Variants in ZHX2 observed in about 807,000 individuals in gnomAD.
ZHX2 encodes the protein zinc fingers and homeoboxes protein 2.
ZHX2 carries 6 observed loss-of-function variants against 21.9 expected under a neutral mutation model. That is an observed-to-expected ratio of 0.27 (90% confidence interval 0.15 to 0.54). ZHX2 has a LOEUF of 0.54. ZHX2 is among the 20% of genes least tolerant of loss of function. The pLI is 0.95. For synonymous variants in ZHX2, 434 were observed against 437.1 expected, an observed-to-expected ratio of 0.99 and a Z score of 0.09; for missense variants, 908 against 1,090.7, an observed-to-expected ratio of 0.83 and a Z score of 2.36.
intron 1 of ZHX2, among the ~76,000 whole-genome samples, chr8:122,785,747 A>G (rs943784132): frequency 6.6e-6 from 1 of 152,196 alleles, no homozygotes; most frequent in Admixed American, 6.5e-5. Flanking sequence ...CTGAGAAAGA[A>G]GGGCCCTGGG....
At chr8:122,863,878 G>T (rs1285375272) in intron 2 of ZHX2, among the ~76,000 whole-genome samples, 1 of 152,116 alleles carries the variant, frequency 6.6e-6, no homozygotes, top group Non-Finnish European at 1.5e-5. Context: ...GATATTCTTA[G>T]AACAGAGAGG....
intron 1 of ZHX2, among the ~76,000 whole-genome samples, chr8:122,856,208 T>C (rs1819018088): frequency 6.6e-6 from 1 of 152,250 alleles, no homozygotes; most frequent in African/African-American, 2.4e-5. Flanking sequence ...AAACTGAGTC[T>C]GTCAGTCTCT....
At chr8:122,790,981 T>C (rs752636099) in intron 1 of ZHX2, among the ~76,000 whole-genome samples, 15 of 152,198 alleles carry the variant, frequency 9.9e-5, no homozygotes, top group Non-Finnish European at 1.8e-4. Flanking sequence ...ATCCAAGAAT[T>C]CTGGAAGCCA....
chr8:122,937,641 G>A (rs929258034), intron 2 of ZHX2, among the ~76,000 whole-genome samples: 17 of 151,026 alleles, frequency 1.1e-4, no homozygotes, highest in African/African-American at 1.7e-4. Flanking sequence ...GTGCTGTGGC[G>A]CTGTCTCGGC....
chr8:122,791,442 C>T (rs906801003), intron 1 of ZHX2, among the ~76,000 whole-genome samples: 37 of 152,314 alleles, frequency 2.4e-4, no homozygotes, highest in Admixed American at 1.2e-3. Context: ...CACAGGATCT[C>T]GGGTGACTGC....
chr8:122,958,784 G>A lies in ZHX2; in HGVS notation c.*4+4756G>A, dbSNP rs565188425. On this transcript the variant is annotated intron_variant, in intron 3 of 3. Transcript: ENST00000314393. ...GAGTGTGGTCATTTCTTGATTTTGT[G>A]TGGGAGTGGAAACTAATCCACAATG... 1.1e-3 allele frequency among the ~76,000 whole-genome samples: 162 copies of A among 152,330 alleles called. 1 individual carries two copies. Among genetic ancestry groups the A allele is most frequent in the African/African-American group, 3.7e-3 (155 of 41,568 alleles).
chr8:122,892,338 TA>T (rs2129874018), intron 2 of ZHX2, among the ~76,000 whole-genome samples: 1 of 152,370 alleles, frequency 6.6e-6, no homozygotes, highest in South Asian at 2.1e-4. Context: ...GAGTTTCTTA[TA>T]GGCAGCATAT....
chr8:122,853,366 A>G (rs890016380), intron 1 of ZHX2, among the ~76,000 whole-genome samples: 4 of 152,216 alleles, frequency 2.6e-5, no homozygotes, highest in Admixed American at 6.5e-5. Flanking sequence ...GAGGTGCTTT[A>G]GGCCACACAG....
At chr8:122,905,125 A>G (rs1213637801) in intron 2 of ZHX2, among the ~76,000 whole-genome samples, 7 of 152,244 alleles carry the variant, frequency 4.6e-5, no homozygotes, top group African/African-American at 1.7e-4. Flanking sequence ...TGGAAAAACA[A>G]GAACCACTCG....
At chr8:122,851,843 A>G (rs996727107) in intron 1 of ZHX2, among the ~76,000 whole-genome samples, 2 of 152,230 alleles carry the variant, frequency 1.3e-5, no homozygotes, top group African/African-American at 4.8e-5. Flanking sequence ...GTCTTACTCC[A>G]GAACCCACTC....
At chr8:122,957,108 G>A (rs539390836) in intron 3 of ZHX2, among the ~76,000 whole-genome samples, 6 of 152,170 alleles carry the variant, frequency 3.9e-5, no homozygotes, top group Admixed American at 3.9e-4. Context: ...TCCTAGGGAG[G>A]TAGCTTCTCT....
At chr8:122,791,107 C>A (rs1427512856) in intron 1 of ZHX2, among the ~76,000 whole-genome samples, 1 of 152,228 alleles carries the variant, frequency 6.6e-6, no homozygotes, top group East Asian at 1.9e-4. Flanking sequence ...TGGATTAGAA[C>A]CTGTGGCTGA....
intron 1 of ZHX2, among the ~76,000 whole-genome samples, chr8:122,847,476 G>A (rs1818779312): frequency 1.3e-5 from 2 of 152,200 alleles, no homozygotes; most frequent in South Asian, 4.1e-4. Context: ...ATGTCATTGA[G>A]TCCAGGTCCC....
At chr8:122,869,508 C>G (rs1309767026) in intron 2 of ZHX2, among the ~76,000 whole-genome samples, 2 of 152,170 alleles carry the variant, frequency 1.3e-5, no homozygotes, top group Non-Finnish European at 2.9e-5. Flanking sequence ...GAGGATGGAG[C>G]TGGGGGACAC....
chr8:122,845,290 C>G (rs564625815), intron 1 of ZHX2, among the ~76,000 whole-genome samples: 1 of 152,262 alleles, frequency 6.6e-6, no homozygotes, highest in South Asian at 2.1e-4. Flanking sequence ...TGTTAACTGC[C>G]GCTATTGAAA....
chr8:122,845,905 G>A (rs1465186598), intron 1 of ZHX2, among the ~76,000 whole-genome samples: 1 of 152,182 alleles, frequency 6.6e-6, no homozygotes, highest in East Asian at 1.9e-4. Flanking sequence ...TTTGTTTAGG[G>A]TTCAGTGGAA....
intron 3 of ZHX2, among the ~76,000 whole-genome samples, chr8:122,964,102 C>T (rs1158243303): frequency 1.3e-5 from 2 of 152,052 alleles, no homozygotes; most frequent in Non-Finnish European, 2.9e-5. Flanking sequence ...CAAACAGCAA[C>T]AGTCTGACTT....
intron 1 of ZHX2, among the ~76,000 whole-genome samples, chr8:122,824,438 A>G (rs1448184503): frequency 1.3e-5 from 2 of 152,132 alleles, no homozygotes; most frequent in Non-Finnish European, 2.9e-5. Context: ...CAGCCCATAG[A>G]ACTGAAATTC....
intron 2 of ZHX2, among the ~76,000 whole-genome samples, chr8:122,900,849 G>C (rs1820212079): frequency 6.6e-6 from 1 of 152,212 alleles, no homozygotes; most frequent in South Asian, 2.1e-4. Context: ...GCAAAGCCAT[G>C]TATGTCTGCC....
Sources: gnomAD v4.1 joint callset for allele counts (sites outside exome capture counted in the v4.1 genomes callset) on GRCh38, gnomAD v4.1.1 for gene constraint, MANE v1.5 for transcripts, NCBI Gene and HGNC (gene_info 2026-07-23, HGNC 2026-07-21) for gene names.